The following RALGAPA2 variants were observed in gnomAD, a reference collection of about 807,000 sequenced individuals.
The protein encoded by RALGAPA2 is Ral GTPase activating protein catalytic subunit alpha 2.
A neutral mutation model predicts 230.4 loss-of-function variants in RALGAPA2; 139 were observed. The ratio of observed to expected loss-of-function variants is 0.60; its 90% CI spans 0.53 to 0.69. The LOEUF (loss-of-function observed/expected upper bound fraction) is 0.69, where lower values mean the gene tolerates loss of function less well. Ranked by LOEUF, RALGAPA2 falls within the 30% of genes least tolerant of loss-of-function variation. RALGAPA2 has a pLI of 0.00. For missense variants in RALGAPA2, 2,163 were observed against 2,276.0 expected, an observed-to-expected ratio of 0.95 and a Z score of 1.01; for synonymous variants, 847 against 837.8, an observed-to-expected ratio of 1.01 and a Z score of -0.19.
intron 34 of RALGAPA2, among the ~76,000 whole-genome samples, chr20:20,504,753 A>G (rs1602575276): frequency 6.6e-6 from 1 of 152,008 alleles, no homozygotes; most frequent in East Asian, 1.9e-4. Flanking sequence ...AGAAAAAAAG[A>G]AGTAAATTAT....
intron 4 of RALGAPA2, among the ~76,000 whole-genome samples, chr20:20,646,930 T>C (rs1363790889): frequency 6.6e-6 from 1 of 152,016 alleles, no homozygotes; most frequent in Non-Finnish European, 1.5e-5. Flanking sequence ...AACATTAAAG[T>C]AGCTTAAAAA....
intron 38 of RALGAPA2, among the ~76,000 whole-genome samples, chr20:20,400,164 C>T (rs1338417454): frequency 6.6e-6 from 1 of 152,204 alleles, no homozygotes; most frequent in Non-Finnish European, 1.5e-5. Context: ...TAAGCCCACA[C>T]ACTCAACACT....
intron 23 of RALGAPA2, among the ~76,000 whole-genome samples, chr20:20,564,961 A>G (rs1284887460): frequency 2.0e-5 from 3 of 152,244 alleles, no homozygotes; most frequent in African/African-American, 4.8e-5. Context: ...AAGCTTTAAC[A>G]AAGTTAGCCT....
chr20:20,604,674 T>TA (rs1382381351), intron 15 of RALGAPA2, among the ~76,000 whole-genome samples: 3 of 148,020 alleles, frequency 2.0e-5, no homozygotes, highest in African/African-American at 7.4e-5. Flanking sequence ...ATTATGAGAT[T>TA]TTTTTTTTTT....
chr20:20,682,885 T>C (rs1010993030), intron 1 of RALGAPA2, among the ~76,000 whole-genome samples: 1 of 152,152 alleles, frequency 6.6e-6, no homozygotes, highest in Non-Finnish European at 1.5e-5. Flanking sequence ...TCTCATCTCA[T>C]CTCTGCTGAG....
chr20:20,555,078 C>T (rs544390972), intron 23 of RALGAPA2, among the ~76,000 whole-genome samples: 1 of 152,252 alleles, frequency 6.6e-6, no homozygotes, highest in Non-Finnish European at 1.5e-5. Flanking sequence ...GACACAGAAC[C>T]ATTTTGAGTT....
At position 20,521,083 on chromosome 20, in the gene RALGAPA2, C is replaced by A. The variant is rs1252954229; in HGVS notation, c.3918G>T (p.Val1306=). The A allele has an allele frequency of 6.2e-7, 1 of 1,611,754 alleles. No individual in the cohort carries two copies. The highest frequency in any genetic ancestry group is 8.5e-7 in the Non-Finnish European group (1 of 1,178,280). The change falls in exon 31 of 40, where the codon GTG becomes GTT. Residue 1306 remains valine (V), a synonymous_variant. Transcript: ENST00000202677. The part of the protein sequence containing the change: ...DYIYRVLHCC[V]CGSSTYTQQS... ...GTTGGGTGTACGTGCTTGAGCCACA[C>A]ACACAGCAGTGCAAAACCTGTGAAA...
At chr20:20,430,543 T>C (rs2060479441) in intron 37 of RALGAPA2, among the ~76,000 whole-genome samples, 1 of 152,222 alleles carries the variant, frequency 6.6e-6, no homozygotes, top group Non-Finnish European at 1.5e-5. Context: ...TTGTACATGA[T>C]GGAAACTTGC....
At position 20,536,734 on chromosome 20, in the gene RALGAPA2, T is replaced by C. The variant is rs564751346; in HGVS notation, c.3336A>G (p.Pro1112=). Residue 1112 remains proline, a synonymous_variant, in exon 25 of 40, where the codon CCA becomes CCG. Coordinates refer to ENST00000202677, the MANE Select transcript of RALGAPA2 (RefSeq NM_020343.4). ...VTVLGSLVCF[P]NTYQEIPLLQ... ...GTAAAGGAATCTCCTGGTAGGTATT[T>C]GGAAAGCAGACCAGAGAGCCGAGGA... is the stretch of plus-strand genomic sequence containing the variant. The C allele has an allele frequency of 1.2e-5, 20 of 1,613,122 alleles. No homozygotes were observed. Among genetic ancestry groups the C allele is most frequent in the Middle Eastern group, 1.7e-4 (1 of 6,058 alleles).
At chr20:20,573,143 T>G in intron 20 of RALGAPA2, 75 bp from the exon 21 acceptor site, 1 of 1,255,770 alleles carries the variant, frequency 8.0e-7, no homozygotes, top group South Asian at 2.0e-5. Flanking sequence ...TAAGGCAAAT[T>G]ACCTTAGGTA....
chr20:20,556,666 T>C (rs914778828), intron 23 of RALGAPA2, among the ~76,000 whole-genome samples: 4 of 152,202 alleles, frequency 2.6e-5, no homozygotes, highest in Non-Finnish European at 5.9e-5. Flanking sequence ...TTGTTGCCAG[T>C]AAGTGATAAC....
At chr20:20,416,044 T>A (rs551995387) in intron 37 of RALGAPA2, among the ~76,000 whole-genome samples, 1 of 152,316 alleles carries the variant, frequency 6.6e-6, no homozygotes, top group Non-Finnish European at 1.5e-5. Context: ...CCATTTTACA[T>A]GTGAGACAGC....
chr20:20,711,302 AT>A (rs2069852907), intron 1 of RALGAPA2, among the ~76,000 whole-genome samples: 1 of 152,194 alleles, frequency 6.6e-6, no homozygotes, highest in Admixed American at 6.5e-5. Context: ...TTTATGCAAT[AT>A]TCTTTCAAGT....
chr20:20,476,420 T>G (rs947053840), intron 36 of RALGAPA2, among the ~76,000 whole-genome samples: 3 of 152,012 alleles, frequency 2.0e-5, no homozygotes, highest in African/African-American at 7.2e-5. Context: ...ACATGGTAAT[T>G]GATTTGCAAT....
intron 1 of RALGAPA2, among the ~76,000 whole-genome samples, chr20:20,699,671 G>T (rs541146509): frequency 6.6e-6 from 1 of 152,172 alleles, no homozygotes; most frequent in African/African-American, 2.4e-5. Flanking sequence ...TGTCACAAAA[G>T]AAGACATACA....
At chr20:20,550,347 G>A (rs2063888755) in intron 23 of RALGAPA2, among the ~76,000 whole-genome samples, 1 of 152,138 alleles carries the variant, frequency 6.6e-6, no homozygotes, top group Non-Finnish European at 1.5e-5. Context: ...GTAATACAAT[G>A]ACAGTAATCA....
intron 24 of RALGAPA2, among the ~76,000 whole-genome samples, chr20:20,539,720 C>G (rs565844526): frequency 6.6e-6 from 1 of 152,242 alleles, no homozygotes; most frequent in African/African-American, 2.4e-5. Context: ...CTCATTCATT[C>G]GGCATAACTG....
At chr20:20,418,392 C>T (rs543684760) in intron 37 of RALGAPA2, among the ~76,000 whole-genome samples, 78 of 152,286 alleles carry the variant, frequency 5.1e-4, no homozygotes, top group African/African-American at 1.9e-3. Context: ...GAACCTGCTG[C>T]TGGGAGGAAC....
At chr20:20,441,193 T>G (rs952666380) in intron 37 of RALGAPA2, among the ~76,000 whole-genome samples, 47 of 152,266 alleles carry the variant, frequency 3.1e-4, no homozygotes, top group African/African-American at 1.1e-3. Flanking sequence ...TCCAATTTTC[T>G]TTTGCAAGAG....
Sources: allele counts gnomAD v4.1 joint callset (sites outside exome capture counted in the v4.1 genomes callset), GRCh38; gene constraint gnomAD v4.1.1; transcripts MANE v1.5; gene names NCBI Gene and HGNC (gene_info 2026-07-23, HGNC 2026-07-21).